CAMK4: variants seen among roughly 807,000 people sequenced by gnomAD.
CAMK4 encodes calcium/calmodulin dependent protein kinase IV.
CAMK4 carries 22 observed loss-of-function variants against 44.9 expected under a neutral mutation model. That is an observed-to-expected ratio of 0.49 (90% CI 0.35 to 0.70). The LOEUF is 0.70. Ranked by LOEUF, CAMK4 falls within the 30% of genes least tolerant of loss-of-function variation. CAMK4 has a pLI of 0.01. For synonymous variants in CAMK4, 218 were observed against 215.4 expected (o/e 1.01, Z -0.11); for missense variants, 498 against 586.8 (o/e 0.85, Z 1.56).
chr5:111,236,323 G>A (rs1748719182), intron 1 of CAMK4, among the ~76,000 whole-genome samples: 1 of 152,204 alleles, frequency 6.6e-6, no homozygotes, highest in Admixed American at 6.5e-5. Context: ...CTTCTCTTCT[G>A]TAATTACCAT....
chr5:111,444,273 G>A (rs1753951923), intron 5 of CAMK4, among the ~76,000 whole-genome samples: 1 of 152,136 alleles, frequency 6.6e-6, no homozygotes, highest in Admixed American at 6.6e-5. Flanking sequence ...TCTTCATTTG[G>A]AAAACAAATA....
chr5:111,444,954 AT>A (rs1753974136), intron 5 of CAMK4, among the ~76,000 whole-genome samples: 1 of 152,232 alleles, frequency 6.6e-6, no homozygotes, highest in Non-Finnish European at 1.5e-5. Context: ...AAAACTACAG[AT>A]TTAGCAAAGA....
At chr5:111,394,995 G>C (rs1184322133) in intron 5 of CAMK4, among the ~76,000 whole-genome samples, 1 of 151,958 alleles carries the variant, frequency 6.6e-6, no homozygotes, top group Non-Finnish European at 1.5e-5. Context: ...GGTCACTTAA[G>C]GTCAGGAGTT....
At chr5:111,456,390 C>G (rs1031789108) in intron 7 of CAMK4, among the ~76,000 whole-genome samples, 1 of 151,918 alleles carries the variant, frequency 6.6e-6, no homozygotes, top group Admixed American at 6.6e-5. Context: ...ACTCGGGAGG[C>G]TGAGGCAGGA....
At chr5:111,332,682 C>T (rs1749221180) in intron 1 of CAMK4, among the ~76,000 whole-genome samples, 1 of 151,518 alleles carries the variant, frequency 6.6e-6, no homozygotes, top group African/African-American at 2.4e-5. Flanking sequence ...CATAAAGATG[C>T]AGGGTGAGAT....
At chr5:111,340,341 A>G (rs1749586846) in intron 1 of CAMK4, among the ~76,000 whole-genome samples, 1 of 151,118 alleles carries the variant, frequency 6.6e-6, no homozygotes, top group Admixed American at 6.6e-5. Flanking sequence ...CATTGAGTAT[A>G]TTAGCTGTGG....
chr5:111,323,705 A>G (rs1167911644), intron 1 of CAMK4, among the ~76,000 whole-genome samples: 1 of 152,132 alleles, frequency 6.6e-6, no homozygotes, highest in East Asian at 1.9e-4. Flanking sequence ...TTTAAAATAA[A>G]TGAAAACTGA....
chr5:111,379,625 T>G (rs1295065234), intron 4 of CAMK4, among the ~76,000 whole-genome samples: 2 of 152,138 alleles, frequency 1.3e-5, no homozygotes, highest in Non-Finnish European at 2.9e-5. Flanking sequence ...ATTTCTTTCT[T>G]GAGAGTTAAA....
At chr5:111,261,249 T>C (rs895179208) in intron 1 of CAMK4, among the ~76,000 whole-genome samples, 1 of 152,212 alleles carries the variant, frequency 6.6e-6, no homozygotes, top group Non-Finnish European at 1.5e-5. Context: ...TCCACAATAT[T>C]GGACCCCATT....
In CAMK4 at chr5:111,376,845, T is replaced by A. The variant is rs185362086; in HGVS notation, c.304-15T>A. ...AAGAAATTTGTGATATTCTTTTTTT[T>A]ATATCTTTCCCTAGATAAAACTTAA... is the stretch of plus-strand genomic sequence containing the variant. On this transcript the variant is annotated splice_polypyrimidine_tract_variant and intron_variant, in intron 3 of 10. Transcript: ENST00000282356. 2.6e-4 allele frequency: 387 copies of A among 1,463,756 alleles called. No individual in the cohort carries two copies. The highest frequency in any genetic ancestry group is 3.3e-4 in the Non-Finnish European group (350 of 1,053,654). 90.7% of individuals were successfully genotyped at this position (1,463,756 alleles called of 1,614,324 possible).
chr5:111,328,688 G>C (rs944339753), intron 1 of CAMK4, among the ~76,000 whole-genome samples: 6 of 151,906 alleles, frequency 3.9e-5, no homozygotes, highest in South Asian at 2.1e-4. Flanking sequence ...TTATTTCCTT[G>C]AGCAGAGGTT....
chr5:111,461,255 C>T (rs576207661), intron 7 of CAMK4, among the ~76,000 whole-genome samples: 3 of 152,270 alleles, frequency 2.0e-5, no homozygotes, highest in East Asian at 1.9e-4. Context: ...GAGCATGGCA[C>T]GCATAGAATT....
intron 7 of CAMK4, chr5:111,449,717 A>C (rs888975989): frequency 6.6e-6 from 1 of 152,354 alleles, no homozygotes; most frequent in Non-Finnish European, 1.5e-5. Flanking sequence ...GACCACAACT[A>C]CGTTGAGCTC....
rs191925955 is a variant in CAMK4, at chr5:111,478,987, C to G, written c.828+480C>G. Among the ~76,000 whole-genome samples the G allele has an allele frequency of 3.9e-5, 6 of 152,286 alleles. No homozygotes were observed. In the East Asian group the frequency reaches 1.2e-3, roughly 29 times the overall value. On this transcript the variant is annotated intron_variant, in intron 9 of 10. Transcript: ENST00000282356. ...CCAACTCCTGGGCTTAAGCAATCCT[C>G]CCACCTCCATCTCCTGAGTAGCTGG...
intron 2 of CAMK4, among the ~76,000 whole-genome samples, chr5:111,365,843 C>G (rs899438147): frequency 1.3e-5 from 2 of 151,984 alleles, no homozygotes; most frequent in African/African-American, 2.4e-5. Flanking sequence ...TTGGAGGTAC[C>G]AGCCTCATGT....
chr5:111,478,277 G>T, intron 8 of CAMK4, 104 bp from the exon 9 acceptor site: 1 of 617,640 alleles, frequency 1.6e-6, no homozygotes, highest in Non-Finnish European at 2.7e-6. Context: ...TTGCTTCCAT[G>T]GCAGGAAGCA....
At chr5:111,314,541 T>C (rs1748339382) in intron 1 of CAMK4, among the ~76,000 whole-genome samples, 1 of 152,228 alleles carries the variant, frequency 6.6e-6, no homozygotes, top group Middle Eastern at 3.4e-3. Context: ...AAAAATACTT[T>C]ATAATCTTTT....
At chr5:111,426,241 A>G (rs1284485985) in intron 5 of CAMK4, among the ~76,000 whole-genome samples, 1 of 152,256 alleles carries the variant, frequency 6.6e-6, no homozygotes, top group African/African-American at 2.4e-5. Context: ...TTTGTGGGCA[A>G]ATGAAAAATT....
intron 5 of CAMK4, among the ~76,000 whole-genome samples, chr5:111,414,654 G>T (rs746138616): frequency 1.3e-5 from 2 of 152,240 alleles, no homozygotes; most frequent in South Asian, 4.2e-4. Flanking sequence ...AAATCTATTG[G>T]ATTGTAGAAG....
Sources: allele counts gnomAD v4.1 joint callset (sites outside exome capture counted in the v4.1 genomes callset), GRCh38; gene constraint gnomAD v4.1.1; transcripts MANE v1.5; gene names NCBI Gene and HGNC (gene_info 2026-07-23, HGNC 2026-07-21).